Variants in PTPRE observed in about 807,000 individuals in gnomAD.
PTPRE encodes protein tyrosine phosphatase receptor type E, also known as receptor-type tyrosine-protein phosphatase epsilon.
A neutral mutation model predicts 102.0 loss-of-function variants in PTPRE; 51 were observed. The ratio of observed to expected loss-of-function variants is 0.50; its 90% CI spans 0.40 to 0.63. The LOEUF is 0.63. Ranked by LOEUF, PTPRE falls within the 30% of genes least tolerant of loss-of-function variation. The pLI is 0.00. For missense variants in PTPRE, 752 were observed against 915.1 expected, an observed-to-expected ratio of 0.82 and a Z score of 2.30; for synonymous variants, 345 against 348.2, an observed-to-expected ratio of 0.99 and a Z score of 0.10.
In PTPRE at chr10:128,079,840, G is replaced by C. The variant is rs187823774; in HGVS notation, c.2028+145G>C. ...GGAAAAGAGCCAGCTGCAATGTTTC[G>C]CAGTAAACCTCTGCAGAGCCCTCCT... On this transcript the variant is annotated intron_variant, in intron 20 of 20. Transcript: ENST00000254667. 6.8e-5 allele frequency: 77 copies of C among 1,140,144 alleles called. No homozygotes were observed. The African/African-American group carries it at 9.9e-4, about 15-fold the overall frequency. The allele number at this position is 1,140,144 out of a possible 1,614,324, so 70.6% of individuals were successfully genotyped here.
intron 7 of PTPRE, among the ~76,000 whole-genome samples, chr10:128,057,731 G>A (rs1849120015): frequency 6.6e-6 from 1 of 152,164 alleles, no homozygotes; most frequent in Non-Finnish European, 1.5e-5. Context: ...CAGGAAGATG[G>A]GTCAGGAGGT....
At chr10:127,973,991 G>T (rs1413114416) in intron 1 of PTPRE, among the ~76,000 whole-genome samples, 1 of 152,176 alleles carries the variant, frequency 6.6e-6, no homozygotes, top group Non-Finnish European at 1.5e-5. Flanking sequence ...CACAGGTGTG[G>T]CCTCATTAGT....
At position 128,067,393 on chromosome 10, in the gene PTPRE, C is replaced by CAAT. The variant is rs1554944976; in HGVS notation, c.844-729_844-728insATA. Among the ~76,000 whole-genome samples, 48 of 149,560 alleles carry CAAT rather than the reference C, an allele frequency of 3.2e-4. 1 individual carries two copies. The South Asian group carries it at 9.1e-3, about 28-fold the overall frequency. On this transcript the variant is annotated intron_variant, in intron 11 of 20. Transcript: ENST00000254667. ...ACATGCACACATTCACACATGTGCA[C>CAAT]ACACACATACACGCACATGGGTGCA...
intron 11 of PTPRE, 109 bp downstream of exon 11, chr10:128,066,303 C>T: frequency 6.6e-7 from 1 of 1,517,960 alleles, no homozygotes; most frequent in Non-Finnish European, 8.9e-7. Flanking sequence ...CAGCCCGGCA[C>T]TGTCGCAGCC....
intron 1 of PTPRE, among the ~76,000 whole-genome samples, chr10:127,963,865 T>C (rs1417130574): frequency 2.0e-5 from 3 of 152,228 alleles, no homozygotes; most frequent in African/African-American, 7.2e-5. Context: ...GAGTCCGCAG[T>C]GGGCCAAGGC....
chr10:127,998,759 C>A (rs1368746700), intron 2 of PTPRE: 5 of 152,128 alleles, frequency 3.3e-5, no homozygotes, highest in African/African-American at 1.2e-4. Context: ...AACGACCGCG[C>A]CACTGGGAAG....
chr10:127,987,105 T>A (rs186915584), intron 2 of PTPRE, among the ~76,000 whole-genome samples: 1 of 152,070 alleles, frequency 6.6e-6, no homozygotes, highest in Admixed American at 6.5e-5. Context: ...CCATTTCCAG[T>A]CCTCCCTCCC....
chr10:128,028,352 C>T lies in PTPRE; in HGVS notation c.-7-12523C>T, dbSNP rs1026776163. On this transcript the variant is annotated intron_variant, in intron 2 of 20. Coordinates refer to ENST00000254667, the MANE Select transcript of PTPRE (RefSeq NM_006504.6). This position sits in a 1 kb window ranked among gnomAD's most constrained non-coding sequence, Gnocchi z 4.5. ...GACTCGGGTCACACACAGCCACACTCGGGGATTAGGACCTGAAGGATATCA... is the reference window on the plus strand; with the variant it reads ...GACTCGGGTCACACACAGCCACACTTGGGGATTAGGACCTGAAGGATATCA... 6.6e-6 allele frequency among the ~76,000 whole-genome samples: 1 copy of T among 152,120 alleles called. No individual in the cohort carries two copies. Among genetic ancestry groups the T allele is most frequent in the Non-Finnish European group, 1.5e-5 (1 of 68,014 alleles).
intron 2 of PTPRE, among the ~76,000 whole-genome samples, chr10:127,991,646 A>C (rs1264704349): frequency 6.6e-6 from 1 of 152,236 alleles, no homozygotes; most frequent in Non-Finnish European, 1.5e-5. Flanking sequence ...GGGGTAATAC[A>C]AATCCAATCC....
intron 1 of PTPRE, among the ~76,000 whole-genome samples, chr10:127,964,324 C>A (rs1035356506): frequency 6.6e-6 from 1 of 152,052 alleles, no homozygotes; most frequent in Non-Finnish European, 1.5e-5. Context: ...AGCCCACCAC[C>A]GCGCCCAGCT....
chr10:128,018,293 C>T (rs1845597170), intron 2 of PTPRE, among the ~76,000 whole-genome samples: 1 of 152,204 alleles, frequency 6.6e-6, no homozygotes, highest in Non-Finnish European at 1.5e-5. Flanking sequence ...GAGGCTCCCT[C>T]CCGGCTGCTG....
At position 127,907,301 on chromosome 10, in the gene PTPRE, C is replaced by G. The variant is rs1002628601; in HGVS notation, c.-39C>G. ...GCGCGATCTGCGCGACCAGACCGGC[C>G]CCCCCGAGGTGAGCGCGCGTGCGGA... On this transcript the variant is annotated 5_prime_UTR_variant, in exon 1 of 21. Transcript: ENST00000254667. The surrounding 1 kb of genome is among the most constrained non-coding windows in gnomAD (Gnocchi z 4.8). The G allele has an allele frequency of 2.0e-6, 2 of 984,708 alleles. No individual in the cohort carries two copies. Among genetic ancestry groups the G allele is most frequent in the Non-Finnish European group, 2.4e-6 (2 of 829,696 alleles). The allele number at this position is 984,708 out of a possible 1,614,324, so 61.0% of individuals were successfully genotyped here.
chr10:128,062,543 C>T (rs1392081380), intron 9 of PTPRE, among the ~76,000 whole-genome samples: 1 of 152,202 alleles, frequency 6.6e-6, no homozygotes, highest in Non-Finnish European at 1.5e-5. Flanking sequence ...CCCCTCAGCA[C>T]GTAGCACTTA....
intron 2 of PTPRE, among the ~76,000 whole-genome samples, chr10:127,989,718 A>G (rs1007683891): frequency 1.3e-5 from 2 of 152,286 alleles, no homozygotes; most frequent in African/African-American, 4.8e-5. Flanking sequence ...GACAGAGAAC[A>G]TTAACAAATA....
At chr10:127,977,783 G>T (rs971255614) in intron 1 of PTPRE, among the ~76,000 whole-genome samples, 2 of 152,196 alleles carry the variant, frequency 1.3e-5, no homozygotes, top group Non-Finnish European at 2.9e-5. Flanking sequence ...TCACTGGCCT[G>T]ACCTTGCCTG....
chr10:127,917,150 G>A (rs563996111), intron 1 of PTPRE, among the ~76,000 whole-genome samples: 5 of 151,620 alleles, frequency 3.3e-5, no homozygotes, highest in African/African-American at 7.3e-5. Context: ...CGCAGTTTTC[G>A]GCCAGGGTGA....
intron 2 of PTPRE, among the ~76,000 whole-genome samples, chr10:128,024,255 A>C (rs1846135181): frequency 6.6e-6 from 1 of 152,248 alleles, no homozygotes; most frequent in Non-Finnish European, 1.5e-5. Flanking sequence ...AAATGTATAC[A>C]GTAAAAGTCT....
chr10:127,979,333 G>T (rs1345023515), intron 1 of PTPRE, among the ~76,000 whole-genome samples: 2 of 152,204 alleles, frequency 1.3e-5, no homozygotes, highest in Middle Eastern at 3.2e-3. Context: ...TTTCCAACTT[G>T]TTGCTCAATA....
At chr10:128,009,870 C>G (rs1009941254) in intron 2 of PTPRE, among the ~76,000 whole-genome samples, 3 of 152,152 alleles carry the variant, frequency 2.0e-5, no homozygotes, top group Non-Finnish European at 4.4e-5. Flanking sequence ...GGTGGCCTCA[C>G]CCCCCTCCAT....
Sources: allele counts gnomAD v4.1 joint callset (sites outside exome capture counted in the v4.1 genomes callset), GRCh38; gene constraint gnomAD v4.1.1; non-coding constraint Gnocchi (gnomAD v3.1); transcripts MANE v1.5; gene names NCBI Gene and HGNC (gene_info 2026-07-23, HGNC 2026-07-21).